Variants in RAB3C observed in about 807,000 individuals in gnomAD.
The protein encoded by RAB3C is ras-related protein Rab-3C.
RAB3C carries 17 observed loss-of-function variants against 26.4 expected under a neutral mutation model. The ratio of observed to expected loss-of-function variants is 0.64; its 90% confidence interval spans 0.44 to 0.97. The LOEUF (loss-of-function observed/expected upper bound fraction) is 0.97, where lower values mean the gene tolerates loss of function less well. Among genes scored for constraint, RAB3C ranks in the 50% least tolerant of loss-of-function variants. The pLI is 0.00. For missense variants in RAB3C, 242 were observed against 281.9 expected (o/e 0.86, Z 1.01); for synonymous variants, 91 against 95.9 (o/e 0.95, Z 0.30).
intron 3 of RAB3C, among the ~76,000 whole-genome samples, chr5:58,755,483 T>C (rs781662135): frequency 1.3e-5 from 2 of 152,136 alleles, no homozygotes; most frequent in Non-Finnish European, 2.9e-5. Context: ...AATACTGAAG[T>C]GAGTGTACCT....
intron 3 of RAB3C, among the ~76,000 whole-genome samples, chr5:58,772,865 TCTTTTTCA>T (rs1742056630): frequency 1.3e-5 from 2 of 152,142 alleles, no homozygotes; most frequent in African/African-American, 4.8e-5. Flanking sequence ...AGAAGTAAAA[TCTTTTTCA>T]GTAACAAAGA....
At chr5:58,753,504 C>T (rs1319914810) in intron 3 of RAB3C, among the ~76,000 whole-genome samples, 1 of 152,066 alleles carries the variant, frequency 6.6e-6, no homozygotes, top group Non-Finnish European at 1.5e-5. Context: ...AATCCTGCAC[C>T]ATAATCTACC....
intron 4 of RAB3C, among the ~76,000 whole-genome samples, chr5:58,833,327 C>CAT (rs1482559484): frequency 0.022 from 2,961 of 133,154 alleles, 56 homozygotes; most frequent in East Asian, 0.057. Context: ...GACCCCATCA[C>CAT]ACACACACAC....
At chr5:58,603,574 C>G (rs1436933199) in intron 1 of RAB3C, among the ~76,000 whole-genome samples, 1 of 152,056 alleles carries the variant, frequency 6.6e-6, no homozygotes, top group African/African-American at 2.4e-5. Context: ...CTCTGAATTT[C>G]TTTTTTCTAC....
intron 1 of RAB3C, among the ~76,000 whole-genome samples, chr5:58,616,274 A>C (rs540126303): frequency 5.3e-5 from 8 of 152,328 alleles, no homozygotes; most frequent in African/African-American, 1.9e-4. Context: ...GCTATTTTGC[A>C]CTTGAAATGT....
At chr5:58,637,543 C>A (rs1747315321) in intron 2 of RAB3C, among the ~76,000 whole-genome samples, 1 of 151,900 alleles carries the variant, frequency 6.6e-6, no homozygotes, top group African/African-American at 2.4e-5. Flanking sequence ...TTTGGATATA[C>A]TATAAGTTCC....
At chr5:58,616,877 A>G (rs1746835298) in intron 1 of RAB3C, among the ~76,000 whole-genome samples, 1 of 152,136 alleles carries the variant, frequency 6.6e-6, no homozygotes, top group Admixed American at 6.6e-5. Flanking sequence ...GTCATTTGGA[A>G]GTAGGGCAGG....
intron 4 of RAB3C, among the ~76,000 whole-genome samples, chr5:58,850,147 G>GTGAA (rs1002699009): frequency 4.6e-5 from 7 of 152,210 alleles, no homozygotes; most frequent in African/African-American, 1.4e-4. Context: ...CCAGTGGAAT[G>GTGAA]TGAATGCAAA....
chr5:58,666,820 T>G (rs1748012031), intron 2 of RAB3C, among the ~76,000 whole-genome samples: 1 of 152,126 alleles, frequency 6.6e-6, no homozygotes, highest in South Asian at 2.1e-4. Context: ...CAGAGGATAA[T>G]GGAGATGATT....
intron 3 of RAB3C, among the ~76,000 whole-genome samples, chr5:58,807,673 G>A (rs1443353508): frequency 6.6e-6 from 1 of 151,954 alleles, no homozygotes; most frequent in African/African-American, 2.4e-5. Flanking sequence ...ATGGTGGGGG[G>A]GCAAAACATA....
intron 2 of RAB3C, among the ~76,000 whole-genome samples, chr5:58,652,424 T>C (rs571071970): frequency 6.6e-4 from 100 of 151,490 alleles, no homozygotes; most frequent in African/African-American, 2.4e-3. Flanking sequence ...TTAAAACTTA[T>C]TTTTTTTCTT....
Position 58,858,362 on chromosome 5 carries a change from A to C in RAB3C, c.*7011A>C, listed in dbSNP as rs1344493553. ...GCAGGTAGCCAATATTAGAATGATAATTTAAGGGTGTGGTTGAATTTTAGT... is the reference window on the plus strand; with the variant it reads ...GCAGGTAGCCAATATTAGAATGATACTTTAAGGGTGTGGTTGAATTTTAGT... On this transcript the variant is annotated 3_prime_UTR_variant, in exon 5 of 5. Coordinates refer to ENST00000282878, the MANE Select transcript of RAB3C (RefSeq NM_138453.4). 6.6e-6 allele frequency: 1 copy of C among 152,186 alleles called. No individual in the cohort carries two copies. The highest frequency in any genetic ancestry group is 2.4e-5 in the African/African-American group (1 of 41,452). 9.4% of individuals were successfully genotyped at this position (152,186 alleles called of 1,614,324 possible).
intron 3 of RAB3C, among the ~76,000 whole-genome samples, chr5:58,794,022 T>C (rs980991883): frequency 6.6e-6 from 1 of 152,182 alleles, no homozygotes; most frequent in Admixed American, 6.5e-5. Context: ...CAAGTATAAA[T>C]GCAGAATGTG....
chr5:58,708,647 C>T (rs1749000274), intron 2 of RAB3C, among the ~76,000 whole-genome samples: 1 of 152,146 alleles, frequency 6.6e-6, no homozygotes, highest in Non-Finnish European at 1.5e-5. Context: ...GGCACACAAT[C>T]CCTGAAAGAA....
At chr5:58,758,157 G>T (rs1388427369) in intron 3 of RAB3C, among the ~76,000 whole-genome samples, 2 of 152,056 alleles carry the variant, frequency 1.3e-5, no homozygotes, top group Non-Finnish European at 2.9e-5. Context: ...TGTTAGTCAG[G>T]ATGGTCTTGA....
intron 3 of RAB3C, among the ~76,000 whole-genome samples, chr5:58,771,913 T>G (rs868855409): frequency 1.6e-4 from 24 of 151,768 alleles, no homozygotes; most frequent in Admixed American, 1.3e-3. Flanking sequence ...CTCTCAAGGC[T>G]AAGCACTACA....
At chr5:58,725,772 T>C (rs1010820900) in intron 2 of RAB3C, among the ~76,000 whole-genome samples, 1 of 151,918 alleles carries the variant, frequency 6.6e-6, no homozygotes, top group Admixed American at 6.6e-5. Flanking sequence ...ACAAATTATA[T>C]AAATCTATTA....
At chr5:58,744,197 A>G (rs1287757165) in intron 3 of RAB3C, among the ~76,000 whole-genome samples, 1 of 152,236 alleles carries the variant, frequency 6.6e-6, no homozygotes, top group African/African-American at 2.4e-5. Context: ...TGTTGTAGAC[A>G]TTGTCTCAAG....
chr5:58,655,920 C>G (rs1313147849), intron 2 of RAB3C, among the ~76,000 whole-genome samples: 1 of 151,468 alleles, frequency 6.6e-6, no homozygotes, highest in East Asian at 2.0e-4. Context: ...CTCAGCCTCT[C>G]CGAGTAGCTG....
Sources: allele counts gnomAD v4.1 joint callset (sites outside exome capture counted in the v4.1 genomes callset), GRCh38; gene constraint gnomAD v4.1.1; transcripts MANE v1.5; gene names NCBI Gene and HGNC (gene_info 2026-07-23, HGNC 2026-07-21).